The following CCDC57 variants were observed in gnomAD, a reference collection of about 807,000 sequenced individuals.
The protein encoded by CCDC57 is coiled-coil domain-containing protein 57.
In CCDC57, 118 loss-of-function variants were observed where a neutral mutation model predicts 118.9. That is an observed-to-expected ratio of 0.99 (90% CI 0.86 to 1.16). The LOEUF (loss-of-function observed/expected upper bound fraction) is 1.16. CCDC57 is among the 50% of genes most tolerant of loss of function. CCDC57 has a pLI of 0.00. For synonymous variants in CCDC57, 527 were observed against 532.9 expected, an observed-to-expected ratio of 0.99 and a Z score of 0.15; for missense variants, 1,300 against 1,320.7, an observed-to-expected ratio of 0.98 and a Z score of 0.24.
At chr17:82,138,447 T>C (rs35156322) in intron 16 of CCDC57, among the ~76,000 whole-genome samples, 70,918 of 151,706 alleles carry the variant, frequency 0.47, 17,373 homozygotes, top group East Asian at 0.88. Context: ...CGCACCTGGC[T>C]GAGACGGGAG....
At chr17:82,182,242 G>A in intron 9 of CCDC57, among the ~76,000 whole-genome samples, 1 of 148,674 alleles carries the variant, frequency 6.7e-6, no homozygotes, top group South Asian at 2.1e-4. Context: ...CTTTCTTGAA[G>A]ATACATGATG....
chr17:82,181,629 GA>G (rs2046219836), intron 9 of CCDC57, among the ~76,000 whole-genome samples: 1 of 152,108 alleles, frequency 6.6e-6, no homozygotes, highest in African/African-American at 2.4e-5. Flanking sequence ...AACAGACTCA[GA>G]AATAAAGATA....
chr17:82,127,014 C>T (rs1301123984), intron 19 of CCDC57: 1 of 985,314 alleles, frequency 1.0e-6, no homozygotes, highest in African/African-American at 1.7e-5. Context: ...CTCCCCCCTT[C>T]TCGCTACATC....
chr17:82,125,010 T>C (rs6502059), intron 19 of CCDC57, among the ~76,000 whole-genome samples: 81,400 of 151,860 alleles, frequency 0.54, 22,648 homozygotes, highest in Non-Finnish European at 0.58. Flanking sequence ...AGGAGAGCCA[T>C]GGAGTGCAGG....
chr17:82,127,192 C>T (rs2037570045), intron 19 of CCDC57: 10 of 985,290 alleles, frequency 1.0e-5, no homozygotes, highest in East Asian at 1.1e-4. Context: ...CAAAGCAGGA[C>T]GAGGATGAGG....
At chr17:82,125,132 C>T (rs1243676126) in intron 19 of CCDC57, among the ~76,000 whole-genome samples, 1 of 152,264 alleles carries the variant, frequency 6.6e-6, no homozygotes, top group Non-Finnish European at 1.5e-5. Flanking sequence ...CCACACAACC[C>T]CATTCCTTCC....
intron 19 of CCDC57, among the ~76,000 whole-genome samples, chr17:82,103,042 G>A (rs1423167748): frequency 2.0e-5 from 3 of 152,264 alleles, no homozygotes; most frequent in South Asian, 4.1e-4. Context: ...GCAGGTCAGC[G>A]GGCGGCCAAC....
chr17:82,118,606 G>A lies in CCDC57; in HGVS notation c.2899+9086C>T, dbSNP rs1216707912. ...GTGCACTCTAGGGAGGTGGAGGCAG[G>A]CCTGCTGCAGGGGGTCGGCTTCAGA... On this transcript the variant is annotated intron_variant, in intron 19 of 19. Transcript: ENST00000665763. The surrounding 1 kb of genome is among the most constrained non-coding windows in gnomAD (Gnocchi z 4.7). Among the ~76,000 whole-genome samples the A allele has an allele frequency of 6.6e-6, 1 of 152,076 alleles. No individual in the cohort carries two copies. The highest frequency in any genetic ancestry group is 1.9e-4 in the East Asian group (1 of 5,190).
exon 15 of CCDC57, chr17:82,157,907 C>G: frequency 1.3e-6 from 2 of 1,565,748 alleles, no homozygotes; most frequent in Non-Finnish European, 8.7e-7. Flanking sequence ...CACGGGGAAG[C>G]TCACGCTGGA....
exon 8 of CCDC57, chr17:82,188,265 A>T (rs1568419009): frequency 1.9e-6 from 3 of 1,570,140 alleles, no homozygotes; most frequent in Non-Finnish European, 1.7e-6. Context: ...GCCTGTCTCC[A>T]CTCTGCCCTG....
intron 14 of CCDC57, chr17:82,160,135 G>A (rs1017312812): frequency 9.2e-5 from 14 of 152,230 alleles, no homozygotes; most frequent in African/African-American, 3.4e-4. Context: ...TGCAGGGAAG[G>A]CGTGGTTTAT....
At chr17:82,174,172 A>G (rs1276453847) in intron 11 of CCDC57, among the ~76,000 whole-genome samples, 1 of 152,208 alleles carries the variant, frequency 6.6e-6, no homozygotes, top group Admixed American at 6.5e-5. Context: ...CCATGAACAC[A>G]AACCTGAAGC....
intron 19 of CCDC57, among the ~76,000 whole-genome samples, chr17:82,116,908 G>A (rs1295054222): frequency 6.6e-6 from 1 of 152,158 alleles, no homozygotes; most frequent in Non-Finnish European, 1.5e-5. Context: ...GTCTCCCTTC[G>A]AGTCCCTGAC....
intron 17 of CCDC57, among the ~76,000 whole-genome samples, chr17:82,130,490 C>T (rs1462595149): frequency 4.9e-5 from 7 of 141,640 alleles, no homozygotes; most frequent in Non-Finnish European, 7.5e-5. Flanking sequence ...CCACCACACC[C>T]AGACAAAACT....
chr17:82,115,426 A>T (rs900712108), intron 19 of CCDC57, among the ~76,000 whole-genome samples: 15 of 152,326 alleles, frequency 9.8e-5, no homozygotes, highest in South Asian at 4.1e-4. Flanking sequence ...CAAACAGTTT[A>T]AAAAAATTAA....
chr17:82,160,439 C>T (rs2043179143), intron 14 of CCDC57: 1 of 148,102 alleles, frequency 6.8e-6, no homozygotes, highest in South Asian at 2.2e-4. Flanking sequence ...GGCAGACAGG[C>T]CAGGTGCAGT....
At chr17:82,126,937 C>CCTG (rs2037520520) in intron 19 of CCDC57, 1 of 985,296 alleles carries the variant, frequency 1.0e-6, no homozygotes, top group Non-Finnish European at 1.2e-6. Context: ...AGGAAGGACG[C>CCTG]ACGCTCCCGC....
chr17:82,131,228 C>T (rs912886122), intron 17 of CCDC57, among the ~76,000 whole-genome samples: 6 of 148,146 alleles, frequency 4.1e-5, no homozygotes, highest in South Asian at 2.2e-4. Flanking sequence ...GTCAGGAGTT[C>T]GAGACCAGCC....
chr17:82,113,047 T>TA (rs1346962290), intron 19 of CCDC57: 1 of 329,988 alleles, frequency 3.0e-6, no homozygotes, highest in African/African-American at 2.1e-5. Flanking sequence ...TTAATGTATT[T>TA]ACTTTGTTCT....
Sources: allele counts gnomAD v4.1 joint callset (sites outside exome capture counted in the v4.1 genomes callset), GRCh38; gene constraint gnomAD v4.1.1; non-coding constraint Gnocchi (gnomAD v3.1); transcripts MANE v1.5; gene names NCBI Gene and HGNC (gene_info 2026-07-23, HGNC 2026-07-21).